The following KCNT2 variants were observed in gnomAD, a reference collection of about 807,000 sequenced individuals.
KCNT2 encodes potassium channel subfamily T member 2.
In KCNT2, 67 loss-of-function variants were observed where a neutral mutation model predicts 153.8. The ratio of observed to expected loss-of-function variants is 0.44; its 90% CI spans 0.36 to 0.53. KCNT2 has a LOEUF of 0.53. KCNT2 is among the 20% of genes least tolerant of loss of function. KCNT2 has a pLI of 0.00. For synonymous variants in KCNT2, 500 were observed against 458.8 expected, an observed-to-expected ratio of 1.09 and a Z score of -1.15; for missense variants, 975 against 1,354.8, an observed-to-expected ratio of 0.72 and a Z score of 4.40.
At chr1:196,561,610 CACCACT>C (rs1659393958) in intron 1 of KCNT2, among the ~76,000 whole-genome samples, 4 of 134,116 alleles carry the variant, frequency 3.0e-5, no homozygotes, top group Admixed American at 2.5e-4. Context: ...GCTGAGATCA[CACCACT>C]GCACTCCAGC....
At chr1:196,591,268 TC>T (rs199832958) in intron 1 of KCNT2, among the ~76,000 whole-genome samples, 28 of 152,092 alleles carry the variant, frequency 1.8e-4, no homozygotes, top group East Asian at 7.8e-4. Context: ...ACATTCGAGC[TC>T]CCCTCTTACA....
intron 8 of KCNT2, among the ~76,000 whole-genome samples, chr1:196,455,400 T>TA (rs1676575081): frequency 2.0e-5 from 3 of 151,980 alleles, no homozygotes; most frequent in Admixed American, 2.0e-4. Context: ...TACCGGAAGC[T>TA]TGAACAAGTT....
chr1:196,395,388 CA>C lies in KCNT2; in HGVS notation c.1294+3174del, dbSNP rs759140258. 2.6e-5 allele frequency among the ~76,000 whole-genome samples: 4 copies of C among 151,582 alleles called. No homozygotes were observed. In the East Asian group the frequency reaches 7.8e-4, roughly 29 times the overall value. The stretch of plus-strand genomic sequence containing the variant: ...GTTTGTAAAACATTATGGGAGAGCC[CA>C]GTTAGTTTTCCTCTAAACAAGTACA... On this transcript the variant is annotated intron_variant, in intron 13 of 27. Coordinates refer to ENST00000294725, the MANE Select transcript of KCNT2 (RefSeq NM_198503.5).
intron 26 of KCNT2, among the ~76,000 whole-genome samples, chr1:196,252,702 C>T (rs1042083430): frequency 1.3e-5 from 2 of 151,514 alleles, no homozygotes; most frequent in Non-Finnish European, 1.5e-5. Context: ...TCCATAATTC[C>T]ACCTGGCATC....
At chr1:196,561,994 G>A (rs1346846289) in intron 1 of KCNT2, among the ~76,000 whole-genome samples, 1 of 151,808 alleles carries the variant, frequency 6.6e-6, no homozygotes, top group Non-Finnish European at 1.5e-5. Context: ...AGGAGACCAA[G>A]GTTCTTAATA....
chr1:196,553,815 A>C (rs967135715), intron 1 of KCNT2, among the ~76,000 whole-genome samples: 2 of 151,308 alleles, frequency 1.3e-5, no homozygotes, highest in Non-Finnish European at 3.0e-5. Context: ...CTATAAATCA[A>C]TAACAATAGC....
intron 1 of KCNT2, among the ~76,000 whole-genome samples, chr1:196,581,952 T>C (rs904963937): frequency 6.6e-6 from 1 of 152,114 alleles, no homozygotes; most frequent in Non-Finnish European, 1.5e-5. Flanking sequence ...ATGTCTTTCA[T>C]AAGAAAATTC....
At chr1:196,330,421 T>C (rs1000908717) in intron 18 of KCNT2, among the ~76,000 whole-genome samples, 1 of 151,850 alleles carries the variant, frequency 6.6e-6, no homozygotes, top group African/African-American at 2.4e-5. Flanking sequence ...GACTTGTAAG[T>C]GGAGAGCTGA....
Position 196,283,224 on chromosome 1 carries a change from G to T in KCNT2, c.2698-868C>A, listed in dbSNP as rs112103424. 4.7e-3 allele frequency among the ~76,000 whole-genome samples: 709 copies of T among 152,276 alleles called. 6 individuals are homozygous for T. The highest frequency in any genetic ancestry group is 0.016 in the African/African-American group (663 of 41,576). ...TCTGGGAGGCCCAGCACTCCTGGGA[G>T]GTCCCAGGAGATCGAGACCAGCATG... On this transcript the variant is annotated intron_variant, in intron 23 of 27. Coordinates refer to ENST00000294725, the MANE Select transcript of KCNT2 (RefSeq NM_198503.5).
At chr1:196,433,294 G>GTGAA (rs1674323379) in intron 8 of KCNT2, among the ~76,000 whole-genome samples, 1 of 151,862 alleles carries the variant, frequency 6.6e-6, no homozygotes, top group South Asian at 2.1e-4. Context: ...ATACTACTCA[G>GTGAA]TAAATAAATA....
intron 8 of KCNT2, among the ~76,000 whole-genome samples, chr1:196,446,140 A>G (rs1283240559): frequency 6.6e-6 from 1 of 151,390 alleles, no homozygotes; most frequent in African/African-American, 2.4e-5. Flanking sequence ...GTAGGCAATA[A>G]TATTGCAATT....
chr1:196,393,991 A>T (rs1374730768), intron 13 of KCNT2, among the ~76,000 whole-genome samples: 1 of 151,560 alleles, frequency 6.6e-6, no homozygotes, highest in African/African-American at 2.4e-5. Context: ...ACACTATTAT[A>T]TTGGTGAAAA....
At chr1:196,301,749 A>G (rs906575551) in intron 22 of KCNT2, among the ~76,000 whole-genome samples, 2 of 152,000 alleles carry the variant, frequency 1.3e-5, no homozygotes, top group African/African-American at 4.8e-5. Flanking sequence ...TTATTTATTT[A>G]TTTATTTAGA....
At chr1:196,285,176 G>T (rs1271076462) in intron 23 of KCNT2, among the ~76,000 whole-genome samples, 1 of 152,152 alleles carries the variant, frequency 6.6e-6, no homozygotes, top group Non-Finnish European at 1.5e-5. Flanking sequence ...AGTTGTTGTA[G>T]TCTTTTCATA....
At chr1:196,303,066 G>T (rs1461807781) in intron 22 of KCNT2, among the ~76,000 whole-genome samples, 1 of 150,894 alleles carries the variant, frequency 6.6e-6, no homozygotes, top group African/African-American at 2.4e-5. Context: ...TTTCCTTGGA[G>T]CATTTTCTTT....
intron 8 of KCNT2, among the ~76,000 whole-genome samples, chr1:196,441,663 AT>A (rs1181293251): frequency 2.6e-5 from 4 of 151,898 alleles, no homozygotes; most frequent in Admixed American, 2.0e-4. Context: ...ATTTAAAAAA[AT>A]AAAAGCATCT....
intron 21 of KCNT2, among the ~76,000 whole-genome samples, chr1:196,312,856 T>A (rs906029922): frequency 4.0e-5 from 6 of 151,758 alleles, no homozygotes; most frequent in Admixed American, 3.3e-4. Context: ...TCCTAAATAG[T>A]CTGATATCCA....
chr1:196,321,820 G>A (rs559593473), intron 19 of KCNT2, among the ~76,000 whole-genome samples: 1 of 151,862 alleles, frequency 6.6e-6, no homozygotes, highest in African/African-American at 2.4e-5. Flanking sequence ...GAAACATAAA[G>A]AATAAATAAA....
At chr1:196,398,162 G>A (rs775919142) in intron 13 of KCNT2, among the ~76,000 whole-genome samples, 2 of 151,428 alleles carry the variant, frequency 1.3e-5, no homozygotes, top group Non-Finnish European at 3.0e-5. Flanking sequence ...CTATTGCATG[G>A]TAAGCCTATG....
Sources: allele counts gnomAD v4.1 joint callset (sites outside exome capture counted in the v4.1 genomes callset), GRCh38; gene constraint gnomAD v4.1.1; transcripts MANE v1.5; gene names NCBI Gene and HGNC (gene_info 2026-07-23, HGNC 2026-07-21).